YAF2: variants seen among roughly 807,000 people sequenced by gnomAD.
YAF2 encodes the protein YY1-associated factor 2.
In YAF2, 7 loss-of-function variants were observed where a neutral mutation model predicts 20.1. The observed-to-expected ratio is 0.35, with a 90% CI of 0.20 to 0.65. The LOEUF (loss-of-function observed/expected upper bound fraction) is 0.65. YAF2 is among the 30% of genes least tolerant of loss of function. The pLI is 0.69. For synonymous variants in YAF2, 74 were observed against 76.0 expected, an observed-to-expected ratio of 0.97 and a Z score of 0.14; for missense variants, 151 against 219.2, an observed-to-expected ratio of 0.69 and a Z score of 1.96.
At chr12:42,227,027 A>C (rs1428942431) in intron 2 of YAF2, among the ~76,000 whole-genome samples, 5 of 146,936 alleles carry the variant, frequency 3.4e-5, no homozygotes, top group African/African-American at 1.2e-4. Context: ...CCAGCTGCAG[A>C]TATGAAGCGG....
chr12:42,233,777 T>C (rs2068052154), intron 2 of YAF2: 1 of 985,004 alleles, frequency 1.0e-6, no homozygotes, highest in Non-Finnish European at 1.2e-6. Context: ...CCTCCCAAGG[T>C]GCTGGGCTTA....
chr12:42,191,761 G>C (rs1489330672), intron 2 of YAF2, among the ~76,000 whole-genome samples: 1 of 152,156 alleles, frequency 6.6e-6, no homozygotes, highest in Non-Finnish European at 1.5e-5. Context: ...AATACCATGA[G>C]AGGTTTTAAC....
chr12:42,233,875 A>C (rs2068054323), intron 2 of YAF2: 1 of 985,424 alleles, frequency 1.0e-6, no homozygotes, highest in Non-Finnish European at 1.2e-6. Context: ...TTGCCTTATA[A>C]GAATCTTCAG....
chr12:42,167,457 T>C (rs1443542141), intron 2 of YAF2, among the ~76,000 whole-genome samples: 2 of 152,184 alleles, frequency 1.3e-5, no homozygotes, highest in Admixed American at 6.5e-5. Flanking sequence ...ATGTTCTCCT[T>C]CTTTGAAGAC....
intron 2 of YAF2, among the ~76,000 whole-genome samples, chr12:42,219,229 A>G (rs1477760644): frequency 6.6e-6 from 1 of 152,186 alleles, no homozygotes; most frequent in Non-Finnish European, 1.5e-5. Flanking sequence ...CACTCAACAC[A>G]ATTTGAAACC....
At chr12:42,180,695 T>A (rs2066320106) in intron 2 of YAF2, among the ~76,000 whole-genome samples, 1 of 152,308 alleles carries the variant, frequency 6.6e-6, no homozygotes, top group African/African-American at 2.4e-5. Context: ...ACGCCTGTAA[T>A]CTCAGCACTT....
At chr12:42,202,270 ATTT>A (rs918631806) in intron 2 of YAF2, among the ~76,000 whole-genome samples, 77 of 152,206 alleles carry the variant, frequency 5.1e-4, no homozygotes, top group Non-Finnish European at 1.1e-3. Flanking sequence ...AAGTGCCATA[ATTT>A]TTTTAACAGA....
intron 2 of YAF2, among the ~76,000 whole-genome samples, chr12:42,217,594 AATTATC>A (rs553371415): frequency 2.1e-3 from 318 of 152,254 alleles, no homozygotes; most frequent in Non-Finnish European, 3.5e-3. Context: ...ATATTATTAC[AATTATC>A]ATTATCATTA....
chr12:42,221,793 C>A lies in YAF2; in HGVS notation c.152+15806G>T, dbSNP rs572927096. On this transcript the variant is annotated intron_variant, in intron 2 of 3. Coordinates refer to ENST00000534854, the MANE Select transcript of YAF2 (RefSeq NM_005748.6). ...ATCCTCCAAACTTAGCTGAAAATCC[C>A]AACAAGAAGGTTTTGAAAACAATAG... is the stretch of plus-strand genomic sequence containing the variant. Among the ~76,000 whole-genome samples the A allele has an allele frequency of 1.6e-3, 239 of 152,246 alleles. 2 individuals are homozygous for A. Among genetic ancestry groups the A allele is most frequent in the Non-Finnish European group, 1.4e-3 (92 of 68,020 alleles).
At chr12:42,223,840 A>G (rs2067598047) in intron 2 of YAF2, among the ~76,000 whole-genome samples, 1 of 141,432 alleles carries the variant, frequency 7.1e-6, no homozygotes, top group South Asian at 2.6e-4. Flanking sequence ...ACACATGGAC[A>G]CAGGGAGGGG....
intron 2 of YAF2, among the ~76,000 whole-genome samples, chr12:42,173,616 T>A (rs752393002): frequency 1.3e-5 from 2 of 152,130 alleles, no homozygotes; most frequent in Non-Finnish European, 2.9e-5. Context: ...TTCCAACTGT[T>A]CCTCTTTATC....
At chr12:42,194,928 C>G (rs1460170517) in intron 2 of YAF2, among the ~76,000 whole-genome samples, 2 of 152,178 alleles carry the variant, frequency 1.3e-5, no homozygotes, top group Non-Finnish European at 2.9e-5. Context: ...ATGATCACGC[C>G]TAGCTTACTG....
rs1438382647 is a variant in YAF2, at chr12:42,237,574, C to A, written c.152+25G>T. 4 of 1,493,404 alleles carry A rather than the reference C, an allele frequency of 2.7e-6. No individual in the cohort carries two copies. In the South Asian group the frequency reaches 5.1e-5, roughly 19 times the overall value. The allele number at this position is 1,493,404 out of a possible 1,614,324, so 92.5% of individuals were successfully genotyped here. A position where few individuals can be genotyped will look rare whatever the true frequency, so the allele number is the denominator to read the frequency against. On this transcript the variant is annotated intron_variant, in intron 2 of 3. Coordinates refer to ENST00000534854, the MANE Select transcript of YAF2 (RefSeq NM_005748.6). ...TGGTCGCCACCCCGCCGGCCGGCGGCGCGAGGGGCAGGCCCGGGACTCACC... is the reference window on the plus strand; with the variant it reads ...TGGTCGCCACCCCGCCGGCCGGCGGAGCGAGGGGCAGGCCCGGGACTCACC...
chr12:42,227,512 G>A (rs1166723891), intron 2 of YAF2, among the ~76,000 whole-genome samples: 1 of 144,676 alleles, frequency 6.9e-6, no homozygotes, highest in Non-Finnish European at 1.5e-5. Flanking sequence ...GATGTGAGGA[G>A]CGCCTCTGCC....
At chr12:42,166,946 T>C (rs1015024485) in intron 2 of YAF2, among the ~76,000 whole-genome samples, 1 of 152,178 alleles carries the variant, frequency 6.6e-6, no homozygotes, top group East Asian at 1.9e-4. Flanking sequence ...TCCTTCTAGA[T>C]GATGCCACCA....
intron 2 of YAF2, among the ~76,000 whole-genome samples, chr12:42,182,318 C>A (rs998693066): frequency 6.6e-6 from 1 of 152,004 alleles, no homozygotes; most frequent in Admixed American, 6.6e-5. Context: ...GAAGAGTTAA[C>A]ACTATTACAT....
chr12:42,178,518 CT>C (rs2066256011), intron 2 of YAF2, among the ~76,000 whole-genome samples: 1 of 152,168 alleles, frequency 6.6e-6, no homozygotes, highest in Non-Finnish European at 1.5e-5. Context: ...CATCTCTCCC[CT>C]CTCTAAAACA....
chr12:42,182,799 A>G (rs1256669672), intron 2 of YAF2, among the ~76,000 whole-genome samples: 1 of 152,242 alleles, frequency 6.6e-6, no homozygotes, highest in Non-Finnish European at 1.5e-5. Context: ...AAAGCATCCT[A>G]AATGATCATA....
chr12:42,233,832 T>C (rs751491347), intron 2 of YAF2: 42 of 985,294 alleles, frequency 4.3e-5, no homozygotes, highest in Non-Finnish European at 5.1e-5. Flanking sequence ...CTTAATTTCC[T>C]AAAGTTTCTT....
Sources: gnomAD v4.1 joint callset for allele counts (sites outside exome capture counted in the v4.1 genomes callset) on GRCh38, gnomAD v4.1.1 for gene constraint, MANE v1.5 for transcripts, NCBI Gene and HGNC (gene_info 2026-07-23, HGNC 2026-07-21) for gene names.